MYO1D: variants seen among roughly 807,000 people sequenced by gnomAD.
MYO1D encodes myosin ID.
In MYO1D, 83 loss-of-function variants were observed where a neutral mutation model predicts 122.0. That is an observed-to-expected ratio of 0.68 (90% CI 0.57 to 0.82). The LOEUF (loss-of-function observed/expected upper bound fraction) is 0.82. MYO1D is among the 40% of genes least tolerant of loss of function. MYO1D has a pLI of 0.00. For missense variants in MYO1D, 1,157 were observed against 1,269.5 expected (o/e 0.91, Z 1.35); for synonymous variants, 464 against 446.9 (o/e 1.04, Z -0.48).
intron 16 of MYO1D, among the ~76,000 whole-genome samples, chr17:32,672,026 A>G (rs1353212394): frequency 2.0e-5 from 3 of 152,242 alleles, no homozygotes; most frequent in Non-Finnish European, 4.4e-5. Context: ...CTGCATAAGG[A>G]AACAAAAATT....
chr17:32,864,956 CA>C (rs2091111514), intron 1 of MYO1D, among the ~76,000 whole-genome samples: 1 of 152,154 alleles, frequency 6.6e-6, no homozygotes. Context: ...CAGTTGTACT[CA>C]CTGACATTTA....
chr17:32,852,257 C>A (rs1322323224), intron 1 of MYO1D, among the ~76,000 whole-genome samples: 2 of 152,140 alleles, frequency 1.3e-5, no homozygotes, highest in Admixed American at 6.5e-5. Flanking sequence ...TCCCCAGTAG[C>A]TGGGACTACG....
chr17:32,683,801 T>A (rs1401427323), intron 16 of MYO1D, among the ~76,000 whole-genome samples: 1 of 152,220 alleles, frequency 6.6e-6, no homozygotes, highest in Non-Finnish European at 1.5e-5. Context: ...GGCTGCTTTG[T>A]TTACCTAAGC....
intron 21 of MYO1D, among the ~76,000 whole-genome samples, chr17:32,577,712 A>G (rs2087291374): frequency 6.6e-6 from 1 of 151,952 alleles, no homozygotes; most frequent in Non-Finnish European, 1.5e-5. Context: ...AACAGACAGA[A>G]CTTTCAAGAT....
chr17:32,605,995 G>C (rs1022869881), intron 20 of MYO1D, among the ~76,000 whole-genome samples: 3 of 152,062 alleles, frequency 2.0e-5, no homozygotes, highest in Non-Finnish European at 4.4e-5. Flanking sequence ...AGCTACTTGG[G>C]GGGCTGAGGC....
intron 14 of MYO1D, 24 bp downstream of exon 14, chr17:32,738,229 A>T (rs1352115138): frequency 6.4e-7 from 1 of 1,554,492 alleles, no homozygotes; most frequent in African/African-American, 1.4e-5. Flanking sequence ...GTTAAAATGG[A>T]TATTTAGAAA....
chr17:32,644,785 CTTTA>C (rs1222231401), intron 19 of MYO1D, among the ~76,000 whole-genome samples: 3 of 152,154 alleles, frequency 2.0e-5, no homozygotes, highest in Admixed American at 6.5e-5. Flanking sequence ...TCCTCCATCC[CTTTA>C]TTTTGAGCCT....
intron 1 of MYO1D, among the ~76,000 whole-genome samples, chr17:32,860,090 T>C (rs1372890708): frequency 6.6e-6 from 1 of 152,112 alleles, no homozygotes; most frequent in Non-Finnish European, 1.5e-5. Flanking sequence ...AGCAGAGAGC[T>C]CACTCTCCTT....
intron 16 of MYO1D, among the ~76,000 whole-genome samples, chr17:32,695,493 C>T (rs1340899437): frequency 6.6e-6 from 1 of 152,182 alleles, no homozygotes; most frequent in Non-Finnish European, 1.5e-5. Context: ...TCTAATGTTT[C>T]CTTGACACAG....
intron 21 of MYO1D, among the ~76,000 whole-genome samples, chr17:32,538,717 C>G (rs2519863): frequency 7.2e-5 from 11 of 151,900 alleles, no homozygotes; most frequent in Non-Finnish European, 1.6e-4. Flanking sequence ...CAATGATAGA[C>G]CGGATAAAGA....
chr17:32,494,818 G>A lies in MYO1D; in HGVS notation c.2962C>T (p.Pro988Ser). 6.2e-7 allele frequency: 1 copy of A among 1,613,768 alleles called. No individual in the cohort carries two copies. The highest frequency in any genetic ancestry group is 8.5e-7 in the Non-Finnish European group (1 of 1,179,840). The change falls in exon 22 of 22, where the codon CCC (proline) becomes TCC (serine). Residue 988 changes from proline (P) to serine (S), a missense_variant. By Grantham distance (74) the Pro-to-Ser change is moderately conservative. Transcript: ENST00000318217. ...CGATTCTTGGTGAAGTCGGGCTGGG[G>A]CTGGTTGAGCCGCGTCTCCACGGAG... ...TVSVETRLNQPQPDFTKNRSG... is the reference protein window; with the variant it reads ...TVSVETRLNQSQPDFTKNRSG...
At chr17:32,694,816 G>A (rs571643232) in intron 16 of MYO1D, among the ~76,000 whole-genome samples, 40 of 149,824 alleles carry the variant, frequency 2.7e-4, no homozygotes, top group Non-Finnish European at 4.0e-4. Flanking sequence ...TAGGCACCTC[G>A]AACACATCAT....
rs539418790 is a variant in MYO1D at position 32,579,861 on chromosome 17, A to G, written c.2864+25226T>C. Among the ~76,000 whole-genome samples the G allele has an allele frequency of 6.6e-5, 10 of 152,388 alleles. No homozygotes were observed. The South Asian group carries it at 1.9e-3, about 28-fold the overall frequency. ...CCGAGTAGTAGTTCACTGTATGGATATAACAGTTTGCTTATCCATCTTCCA... is the reference window on the plus strand; with the variant it reads ...CCGAGTAGTAGTTCACTGTATGGATGTAACAGTTTGCTTATCCATCTTCCA... On this transcript the variant is annotated intron_variant, in intron 21 of 21. Transcript: ENST00000318217.
chr17:32,631,051 C>A (rs1384536615), intron 20 of MYO1D, among the ~76,000 whole-genome samples: 10 of 152,178 alleles, frequency 6.6e-5, no homozygotes. Context: ...ACTTTAAAGA[C>A]CCCATCTCCA....
intron 1 of MYO1D, among the ~76,000 whole-genome samples, chr17:32,793,997 T>C (rs1014475011): frequency 3.3e-5 from 5 of 152,240 alleles, no homozygotes; most frequent in Non-Finnish European, 5.9e-5. Context: ...GCAGGAAATA[T>C]CTTTCTTCCA....
At chr17:32,564,712 A>T (rs2087156871) in intron 21 of MYO1D, among the ~76,000 whole-genome samples, 1 of 152,242 alleles carries the variant, frequency 6.6e-6, no homozygotes, top group Non-Finnish European at 1.5e-5. Flanking sequence ...AGCACAAGAC[A>T]TAACAAAGAG....
At chr17:32,521,063 C>A (rs1479415362) in intron 21 of MYO1D, among the ~76,000 whole-genome samples, 3 of 152,208 alleles carry the variant, frequency 2.0e-5, no homozygotes, top group Non-Finnish European at 2.9e-5. Context: ...AAGATCAGAC[C>A]TCAGTTTGGA....
chr17:32,659,444 G>C (rs1284440593), intron 16 of MYO1D, 106 bp from the exon 17 acceptor site: 16 of 1,143,356 alleles, frequency 1.4e-5, no homozygotes, highest in South Asian at 6.9e-5. Flanking sequence ...CAGGCAACTT[G>C]CAAGTGTGCA....
chr17:32,563,220 T>TTTTTTTTTTTTTTTTC (rs2087142695), intron 21 of MYO1D, among the ~76,000 whole-genome samples: 1 of 142,686 alleles, frequency 7.0e-6, no homozygotes, highest in African/African-American at 2.6e-5. Context: ...TTTTTTTTTT[T>TTTTTTTTTTTTTTTTC]TTTTTTTGAG....
Sources: allele counts gnomAD v4.1 joint callset (sites outside exome capture counted in the v4.1 genomes callset), GRCh38; gene constraint gnomAD v4.1.1; transcripts MANE v1.5; gene names NCBI Gene and HGNC (gene_info 2026-07-23, HGNC 2026-07-21).